Variants in STPG2 observed in about 807,000 individuals in gnomAD.
The protein encoded by STPG2 is sperm tail PG-rich repeat containing 2.
STPG2 carries 56 observed loss-of-function variants against 54.2 expected under a neutral mutation model. That is an observed-to-expected ratio of 1.03 (90% CI 0.83 to 1.29). The LOEUF is 1.29. Among genes scored for constraint, STPG2 ranks in the 50% most tolerant of loss-of-function variants. The pLI is 0.00. For missense variants in STPG2, 596 were observed against 544.9 expected (o/e 1.09, Z -0.93); for synonymous variants, 200 against 181.8 (o/e 1.10, Z -0.81).
In STPG2 at chr4:97,487,070, T is replaced by C. The variant is rs1730384666; in HGVS notation, c.462+225629A>G. On this transcript the variant is annotated intron_variant, in intron 4 of 4. Transcript: ENST00000522676. The stretch of plus-strand genomic sequence containing the variant: ...TGAGGATGCAAAGTCATAAGAATGA[T>C]ACAATGGACTTTGGGGACTTGGGAG... Among the ~76,000 whole-genome samples the C allele has an allele frequency of 2.0e-5, 3 of 151,254 alleles. No homozygotes were observed. In the South Asian group the frequency reaches 6.3e-4, roughly 32 times the overall value.
At chr4:97,644,097 T>C (rs1721840457) in intron 10 of STPG2, among the ~76,000 whole-genome samples, 1 of 151,856 alleles carries the variant, frequency 6.6e-6, no homozygotes, top group Admixed American at 6.6e-5. Flanking sequence ...GAGGGGGTGA[T>C]GCTTATTTGA....
chr4:97,726,813 T>TACAC (rs746408517), intron 9 of STPG2, among the ~76,000 whole-genome samples: 250 of 141,460 alleles, frequency 1.8e-3, no homozygotes, highest in African/African-American at 7.3e-3. Context: ...AATACAAACA[T>TACAC]ACACACACAC....
chr4:97,919,587 A>G (rs1369079005), intron 8 of STPG2, among the ~76,000 whole-genome samples: 1 of 152,076 alleles, frequency 6.6e-6, no homozygotes, highest in Non-Finnish European at 1.5e-5. Flanking sequence ...AAATGGATAT[A>G]TTTCTCAAAA....
At chr4:97,756,453 C>T (rs1460874463) in intron 9 of STPG2, among the ~76,000 whole-genome samples, 5 of 152,138 alleles carry the variant, frequency 3.3e-5, no homozygotes, top group Non-Finnish European at 5.9e-5. Context: ...ACCCAAGTAG[C>T]TGGGATTACA....
chr4:97,503,425 A>G (rs1337907174), intron 4 of STPG2, among the ~76,000 whole-genome samples: 2 of 151,988 alleles, frequency 1.3e-5, no homozygotes, highest in African/African-American at 4.8e-5. Flanking sequence ...AAAAGAAAAT[A>G]TATTTAATAT....
intron 7 of STPG2, among the ~76,000 whole-genome samples, chr4:97,964,781 C>A (rs1337536599): frequency 6.6e-6 from 1 of 152,140 alleles, no homozygotes; most frequent in Non-Finnish European, 1.5e-5. Context: ...CTGTACTACA[C>A]AAAATTCAGT....
At chr4:98,013,528 C>T (rs1250582750) in intron 5 of STPG2, among the ~76,000 whole-genome samples, 1 of 148,956 alleles carries the variant, frequency 6.7e-6, no homozygotes, top group African/African-American at 2.5e-5. Flanking sequence ...ATAGTACCAG[C>T]TCCTCTTTGT....
At chr4:97,579,738 T>C (rs1234104962) in intron 10 of STPG2, among the ~76,000 whole-genome samples, 1 of 152,066 alleles carries the variant, frequency 6.6e-6, no homozygotes, top group Non-Finnish European at 1.5e-5. Flanking sequence ...GTTCATGCTC[T>C]GGTCTCCAAT....
At chr4:98,009,596 T>C (rs1185537949) in intron 5 of STPG2, among the ~76,000 whole-genome samples, 1 of 152,090 alleles carries the variant, frequency 6.6e-6, no homozygotes, top group East Asian at 1.9e-4. Flanking sequence ...TTAGGTCCAT[T>C]TGGCCTAAAG....
chr4:97,691,803 T>C (rs1723374638), intron 10 of STPG2, among the ~76,000 whole-genome samples: 1 of 152,136 alleles, frequency 6.6e-6, no homozygotes, highest in African/African-American at 2.4e-5. Context: ...ACTTCCTGGC[T>C]ACCTCCACCG....
downstream of STPG2, among the ~76,000 whole-genome samples, chr4:97,553,977 C>T (rs532314119): frequency 1.3e-5 from 2 of 152,272 alleles, no homozygotes; most frequent in East Asian, 3.9e-4. Context: ...GTTCAAACTT[C>T]AACTCTTTAT....
chr4:97,861,383 C>A (rs960488504), intron 8 of STPG2, among the ~76,000 whole-genome samples: 1 of 152,190 alleles, frequency 6.6e-6, no homozygotes, highest in East Asian at 1.9e-4. Context: ...AGCCTTTGGC[C>A]ACTGTTGGTG....
intron 9 of STPG2, among the ~76,000 whole-genome samples, chr4:97,824,907 C>A (rs1309752391): frequency 1.3e-5 from 2 of 152,102 alleles, no homozygotes; most frequent in Non-Finnish European, 2.9e-5. Context: ...AATTTTCTTC[C>A]CCTCCAAAAA....
chr4:97,737,791 G>T (rs1214707480), intron 9 of STPG2, among the ~76,000 whole-genome samples: 4 of 152,182 alleles, frequency 2.6e-5, no homozygotes, highest in African/African-American at 9.7e-5. Context: ...CACTCTTCAG[G>T]ATATTATCCA....
At chr4:98,003,394 CAGTTTTTTTTTTCTCCAAAGACGA>C (rs978111753) in intron 5 of STPG2, among the ~76,000 whole-genome samples, 1 of 151,762 alleles carries the variant, frequency 6.6e-6, no homozygotes, top group African/African-American at 2.4e-5. Context: ...AATACATCAT[CAGTTTTTTTTTTCTCCAAAGACGA>C]AAAAAACACA....
chr4:97,779,049 C>G lies in STPG2; in HGVS notation c.1204+61724G>C, dbSNP rs544580650. Reference sequence around the variant, plus strand: ...CCTCCTCCCCTGCAAAGGAACACAGCTCCTCACCAGCAATGGAACAAAGCT... The same window carrying G: ...CCTCCTCCCCTGCAAAGGAACACAGGTCCTCACCAGCAATGGAACAAAGCT... On this transcript the variant is annotated intron_variant, in intron 9 of 10. Coordinates refer to ENST00000295268, the MANE Select transcript of STPG2 (RefSeq NM_174952.3). Among the ~76,000 whole-genome samples, 266 of 152,276 alleles carry G rather than the reference C, an allele frequency of 1.7e-3. 2 individuals carry two copies. Among genetic ancestry groups the G allele is most frequent in the African/African-American group, 6.0e-3 (248 of 41,566 alleles).
chr4:97,607,971 T>G (rs992612697), intron 10 of STPG2, among the ~76,000 whole-genome samples: 3 of 151,990 alleles, frequency 2.0e-5, no homozygotes. Context: ...TCAATACACG[T>G]GGGAACTATT....
chr4:97,681,460 T>C (rs1477025605), intron 10 of STPG2, among the ~76,000 whole-genome samples: 1 of 151,856 alleles, frequency 6.6e-6, no homozygotes, highest in Non-Finnish European at 1.5e-5. Context: ...AAAAAATTTT[T>C]TAAATTAATC....
intron 7 of STPG2, among the ~76,000 whole-genome samples, chr4:97,957,752 G>A (rs116701540): frequency 0.084 from 12,831 of 152,208 alleles, 723 homozygotes; most frequent in Non-Finnish European, 0.13. Flanking sequence ...AGAAGAGATT[G>A]GGGCCTTATC....
Sources: gnomAD v4.1 joint callset for allele counts (sites outside exome capture counted in the v4.1 genomes callset) on GRCh38, gnomAD v4.1.1 for gene constraint, MANE v1.5 for transcripts, NCBI Gene and HGNC (gene_info 2026-07-23, HGNC 2026-07-21) for gene names.